INPP5F: variants seen among roughly 807,000 people sequenced by gnomAD.
The protein encoded by INPP5F is phosphatidylinositide 4-phosphatase SAC2.
Under a neutral mutation model 137.2 loss-of-function variants are expected in INPP5F, and 97 were observed. The ratio of observed to expected loss-of-function variants is 0.71; its 90% confidence interval spans 0.60 to 0.84. The LOEUF is 0.84. INPP5F is among the 40% of genes least tolerant of loss of function. INPP5F has a pLI of 0.00. For missense variants in INPP5F, 1,271 were observed against 1,371.9 expected, an observed-to-expected ratio of 0.93 and a Z score of 1.16; for synonymous variants, 504 against 476.9, an observed-to-expected ratio of 1.06 and a Z score of -0.74.
intron 1 of INPP5F, among the ~76,000 whole-genome samples, chr10:119,731,970 G>T (rs763708685): frequency 6.6e-6 from 1 of 150,640 alleles, no homozygotes; most frequent in Non-Finnish European, 1.5e-5. Flanking sequence ...TTTAAAGGTA[G>T]AAAAGACTTA....
In INPP5F at chr10:119,808,008, C is replaced by T. The variant is rs1209801558; in HGVS notation, c.1517C>T (p.Ala506Val). 6.2e-7 allele frequency: 1 copy of T among 1,613,890 alleles called. No individual in the cohort carries two copies. The highest frequency in any genetic ancestry group is 2.2e-5 in the East Asian group (1 of 44,880). ...AATCGCATCTACCAGATAATGTGGG[C>T]CAATAATGGTGACTCCATTAGCAGA... Reference protein sequence around the residue: ...KCNRIYQIMWANNGDSISRQY... With the variant: ...KCNRIYQIMWVNNGDSISRQY... The change falls in exon 13 of 20, where the codon GCC becomes GTC. Residue 506 changes from alanine (A) to valine (V), a missense_variant. By Grantham distance (64) the Ala-to-Val change is moderately conservative (BLOSUM62 0). This residue lies in a region of INPP5F where 593 missense variants were observed against 712.4 expected (regional missense o/e 0.83). Transcript: ENST00000650623.
intron 2 of INPP5F, among the ~76,000 whole-genome samples, chr10:119,774,141 A>G (rs2134166352): frequency 6.6e-6 from 1 of 151,368 alleles, no homozygotes; most frequent in African/African-American, 2.4e-5. Context: ...GTGCGCCTGT[A>G]GTCTCAGCTA....
intron 3 of INPP5F, among the ~76,000 whole-genome samples, chr10:119,785,286 G>GTTTTTTTTGTTTTTT (rs1849846687): frequency 2.8e-5 from 3 of 106,238 alleles, no homozygotes; most frequent in African/African-American, 1.1e-4. Context: ...CTGCCAGACT[G>GTTTTTTTTGTTTTTT]TTTTTTTTTT....
chr10:119,827,080 G>A lies in INPP5F; in HGVS notation c.2699G>A (p.Arg900Gln), dbSNP rs1287690887. The change falls in exon 20 of 20, where the codon CGA (arginine) becomes CAA (glutamine). Residue 900 changes from arginine (R) to glutamine (Q), a missense_variant. Transcript: ENST00000650623. Reference sequence around the variant, plus strand: ...TGTGGTATTATTGCCTCAGCGCCTCGATTGGGCAGTCGGTCCCAGTCTCTT... The same window carrying A: ...TGTGGTATTATTGCCTCAGCGCCTCAATTGGGCAGTCGGTCCCAGTCTCTT... ...PSCGIIASAP[R>Q]LGSRSQSLSS... 4 of 1,614,100 alleles carry A rather than the reference G, an allele frequency of 2.5e-6. No homozygotes were observed. Among genetic ancestry groups the A allele is most frequent in the Middle Eastern group, 1.6e-4 (1 of 6,062 alleles).
intron 6 of INPP5F, among the ~76,000 whole-genome samples, chr10:119,794,851 A>AC (rs1268398072): frequency 9.1e-5 from 5 of 54,748 alleles, no homozygotes; most frequent in Admixed American, 4.2e-4. Flanking sequence ...CGGGGGTCTG[A>AC]CCCCCTCCCC....
At chr10:119,728,203 T>A (rs983929910) in intron 1 of INPP5F, among the ~76,000 whole-genome samples, 2 of 152,218 alleles carry the variant, frequency 1.3e-5, no homozygotes, top group Non-Finnish European at 2.9e-5. Context: ...ACAGACCAAG[T>A]AGACCAAATG....
At chr10:119,737,236 G>A (rs570659905) in intron 1 of INPP5F, among the ~76,000 whole-genome samples, 22 of 152,150 alleles carry the variant, frequency 1.4e-4, no homozygotes, top group African/African-American at 3.6e-4. Context: ...CTTTTATGCC[G>A]CCTCCCTATA....
intron 3 of INPP5F, among the ~76,000 whole-genome samples, chr10:119,788,635 G>A (rs1227655602): frequency 6.6e-6 from 1 of 152,194 alleles, no homozygotes; most frequent in Admixed American, 6.5e-5. Flanking sequence ...TACCCTGCTG[G>A]CTCTCAGAGT....
At chr10:119,734,112 A>T (rs1167155815) in intron 1 of INPP5F, among the ~76,000 whole-genome samples, 3 of 152,200 alleles carry the variant, frequency 2.0e-5, no homozygotes, top group Non-Finnish European at 4.4e-5. Flanking sequence ...TCTCACTCTT[A>T]AGCCTGTGGA....
In INPP5F at chr10:119,827,099, G is replaced by C. The variant is rs1851793442; in HGVS notation, c.2718G>C (p.Gln906His). 1 of 1,614,068 alleles carries C rather than the reference G, an allele frequency of 6.2e-7. No individual in the cohort carries two copies. Among genetic ancestry groups the C allele is most frequent in the African/African-American group, 1.3e-5 (1 of 74,946 alleles). Residue 906 changes from glutamine to histidine, a missense_variant, in exon 20 of 20, where the codon CAG becomes CAC. Around this residue, in one of 6 missense-constraint regions of INPP5F, gnomAD observed 490 missense variants for 443.7 expected, o/e 1.10. Transcript: ENST00000650623. The part of the protein sequence containing the change: ...ASAPRLGSRS[Q>H]SLSSTDSSVH... ...CGCCTCGATTGGGCAGTCGGTCCCA[G>C]TCTCTTAGCAGCACAGATAGTAGCG...
chr10:119,808,364 G>T (rs1028955926), intron 13 of INPP5F, among the ~76,000 whole-genome samples: 5 of 152,144 alleles, frequency 3.3e-5, no homozygotes, highest in Non-Finnish European at 5.9e-5. Context: ...GAAATGGTTG[G>T]TTTTCAAAAC....
intron 2 of INPP5F, among the ~76,000 whole-genome samples, chr10:119,758,376 G>A (rs953602615): frequency 6.6e-6 from 1 of 152,068 alleles, no homozygotes; most frequent in Non-Finnish European, 1.5e-5. Context: ...CAAAAGGCCC[G>A]GTTCTTGGCA....
In INPP5F at chr10:119,829,132, T is replaced by C. The variant is rs980524812; in HGVS notation, c.*1352T>C. On this transcript the variant is annotated 3_prime_UTR_variant, in exon 20 of 20. Transcript: ENST00000650623. The stretch of plus-strand genomic sequence containing the variant: ...TTGTGATTATTAAAATAAAGTACCA[T>C]TGTAATTTAAAGTGACAAATGGGTA... The C allele has an allele frequency of 4.6e-5, 7 of 152,602 alleles. No individual in the cohort carries two copies. Among genetic ancestry groups the C allele is most frequent in the Admixed American group, 3.3e-4 (5 of 15,272 alleles). The allele number at this position is 152,602 out of a possible 1,614,324, so 9.5% of individuals were successfully genotyped here. A position where few individuals can be genotyped will look rare whatever the true frequency, so the allele number is the denominator to read the frequency against.
chr10:119,810,991 G>T (rs1851007678), intron 14 of INPP5F, among the ~76,000 whole-genome samples: 1 of 152,160 alleles, frequency 6.6e-6, no homozygotes, highest in African/African-American at 2.4e-5. Context: ...TGACTTATTT[G>T]CCAGACATGG....
intron 2 of INPP5F, among the ~76,000 whole-genome samples, chr10:119,752,729 T>A (rs1848723196): frequency 6.6e-6 from 1 of 152,102 alleles, no homozygotes; most frequent in African/African-American, 2.4e-5. Context: ...CGTTTTTGCT[T>A]TTATTATATA....
chr10:119,821,954 C>T (rs956423503), intron 16 of INPP5F, among the ~76,000 whole-genome samples: 13 of 150,282 alleles, frequency 8.7e-5, no homozygotes, highest in African/African-American at 2.2e-4. Context: ...CTGCAACCTC[C>T]GCCTCTCGGG....
intron 1 of INPP5F, among the ~76,000 whole-genome samples, chr10:119,745,785 A>G (rs536312088): frequency 7.0e-6 from 1 of 142,140 alleles, no homozygotes; most frequent in South Asian, 2.2e-4. Context: ...GCTCACTGCA[A>G]CCTCCACCTC....
intron 7 of INPP5F, 137 bp from the exon 8 acceptor site, chr10:119,797,324 T>TA: frequency 1.5e-6 from 1 of 678,332 alleles, no homozygotes. Context: ...GGTAAGTTGA[T>TA]ACTGTTCTGC....
At chr10:119,823,270 G>A (rs1589759308) in intron 18 of INPP5F, 71 bp downstream of exon 18, 1 of 1,466,022 alleles carries the variant, frequency 6.8e-7, no homozygotes, top group African/African-American at 1.4e-5. Flanking sequence ...AAATGGAATT[G>A]GGGACATTTC....
Sources: gnomAD v4.1 joint callset for allele counts (sites outside exome capture counted in the v4.1 genomes callset) on GRCh38, gnomAD v4.1.1 for gene constraint, gnomAD v4.1.1 regional missense constraint, MANE v1.5 for transcripts, NCBI Gene and HGNC (gene_info 2026-07-23, HGNC 2026-07-21) for gene names.